The following MYO3A variants were observed in gnomAD, a reference collection of about 807,000 sequenced individuals.
The protein encoded by MYO3A is myosin IIIA.
A neutral mutation model predicts 192.7 loss-of-function variants in MYO3A; 180 were observed. The observed-to-expected ratio is 0.93, with a 90% CI of 0.83 to 1.06. The LOEUF (loss-of-function observed/expected upper bound fraction) is 1.06. Among genes scored for constraint, MYO3A ranks in the 50% least tolerant of loss-of-function variants. The probability of loss-of-function intolerance (pLI) is 0.00; values close to 1 mark genes in which losing one functional copy is unlikely to be tolerated. For synonymous variants in MYO3A, 628 were observed against 645.3 expected (o/e 0.97, Z 0.41); for missense variants, 1,896 against 1,905.0 (o/e 1.00, Z 0.09).
chr10:26,127,464 T>TA (rs1470438453), intron 19 of MYO3A, among the ~76,000 whole-genome samples: 5 of 152,218 alleles, frequency 3.3e-5, no homozygotes, highest in Non-Finnish European at 7.3e-5. Flanking sequence ...CTTTCAGAAA[T>TA]ACTCAAATAG....
intron 2 of MYO3A, among the ~76,000 whole-genome samples, chr10:25,936,116 T>G (rs1196579442): frequency 6.6e-6 from 1 of 152,166 alleles, no homozygotes; most frequent in Non-Finnish European, 1.5e-5. Context: ...GATTCAATTT[T>G]GTAATCTTTA....
chr10:26,088,752 T>C (rs927010543), intron 15 of MYO3A, among the ~76,000 whole-genome samples: 2 of 152,198 alleles, frequency 1.3e-5, no homozygotes, highest in Non-Finnish European at 2.9e-5. Context: ...ACTGAGTCCT[T>C]TTCTGTTTTA....
chr10:26,099,518 G>A (rs901099684), intron 17 of MYO3A, among the ~76,000 whole-genome samples: 12 of 152,144 alleles, frequency 7.9e-5, no homozygotes, highest in Non-Finnish European at 1.5e-4. Context: ...TCCAGTTTCT[G>A]CCAATTCAGT....
chr10:26,036,542 T>C (rs1843050473), intron 10 of MYO3A, among the ~76,000 whole-genome samples: 1 of 152,236 alleles, frequency 6.6e-6, no homozygotes, highest in African/African-American at 2.4e-5. Flanking sequence ...CTCTAGTAAT[T>C]AATACTGTAA....
At chr10:25,964,973 G>A (rs578101986) in intron 4 of MYO3A, among the ~76,000 whole-genome samples, 2 of 152,290 alleles carry the variant, frequency 1.3e-5, no homozygotes, top group South Asian at 4.2e-4. Context: ...GCTGCCAGAA[G>A]TATTGAACCT....
chr10:25,983,255 A>AT (rs1564427403), intron 4 of MYO3A, among the ~76,000 whole-genome samples: 2 of 147,954 alleles, frequency 1.4e-5, no homozygotes, highest in East Asian at 2.0e-4. Flanking sequence ...AAGAAAAATG[A>AT]TTTTTGTTTT....
At chr10:25,988,494 G>A (rs1043943588) in intron 4 of MYO3A, among the ~76,000 whole-genome samples, 35 of 152,264 alleles carry the variant, frequency 2.3e-4, no homozygotes, top group African/African-American at 8.2e-4. Context: ...GCTGCAGATG[G>A]TATAGCCATA....
At chr10:26,100,062 G>A (rs1365567446) in intron 17 of MYO3A, among the ~76,000 whole-genome samples, 1 of 152,142 alleles carries the variant, frequency 6.6e-6, no homozygotes, top group African/African-American at 2.4e-5. Flanking sequence ...TGATTCGTAG[G>A]CTATTAATTA....
At chr10:26,168,686 C>G (rs1484581399) in intron 27 of MYO3A, 26 bp from the exon 28 acceptor site, 3 of 1,603,162 alleles carry the variant, frequency 1.9e-6, no homozygotes, top group Non-Finnish European at 2.6e-6. Flanking sequence ...TGCCATGGTT[C>G]TTTGTATTAT....
intron 20 of MYO3A, among the ~76,000 whole-genome samples, chr10:26,139,049 T>C (rs969424681): frequency 1.3e-5 from 2 of 152,154 alleles, no homozygotes; most frequent in South Asian, 2.1e-4. Context: ...CCAAAACACG[T>C]CATGTTTCTT....
At chr10:25,955,494 T>G (rs1837482813) in intron 4 of MYO3A, among the ~76,000 whole-genome samples, 1 of 152,160 alleles carries the variant, frequency 6.6e-6, no homozygotes, top group African/African-American at 2.4e-5. Context: ...GGAAGAAAAC[T>G]TACTTAAAAT....
intron 20 of MYO3A, among the ~76,000 whole-genome samples, chr10:26,140,084 C>T (rs1329324165): frequency 6.6e-6 from 1 of 152,146 alleles, no homozygotes; most frequent in Admixed American, 6.5e-5. Context: ...GAAGGAAGGT[C>T]TCTCTGAGGA....
At chr10:26,156,097 T>TA (rs1841093370) in intron 25 of MYO3A, among the ~76,000 whole-genome samples, 1 of 152,202 alleles carries the variant, frequency 6.6e-6, no homozygotes. Context: ...ATCACCCCTG[T>TA]ACCACCAGTA....
chr10:26,094,636 G>A (rs1357154541), intron 15 of MYO3A, among the ~76,000 whole-genome samples: 2 of 152,030 alleles, frequency 1.3e-5, no homozygotes, highest in Admixed American at 1.3e-4. Context: ...GTGTTAGCCA[G>A]GATGGTCTCG....
intron 17 of MYO3A, among the ~76,000 whole-genome samples, chr10:26,101,490 G>A (rs913204288): frequency 9.2e-5 from 14 of 152,144 alleles, no homozygotes; most frequent in East Asian, 3.9e-4. Context: ...TCTTCCTAGC[G>A]TCGATGGTCT....
chr10:26,075,601 GTCTC>G (rs1431759586), intron 14 of MYO3A, among the ~76,000 whole-genome samples: 50 of 127,386 alleles, frequency 3.9e-4, no homozygotes, highest in Admixed American at 4.7e-4. Context: ...ATATATATAT[GTCTC>G]TCTCATATAT....
At chr10:25,957,925 T>G (rs913936040) in intron 4 of MYO3A, among the ~76,000 whole-genome samples, 3 of 152,216 alleles carry the variant, frequency 2.0e-5, no homozygotes, top group Admixed American at 6.6e-5. Flanking sequence ...TTTGCCCACT[T>G]TTAATGAGGT....
chr10:26,044,797 G>A (rs1451617061), intron 10 of MYO3A, among the ~76,000 whole-genome samples: 1 of 146,160 alleles, frequency 6.8e-6, no homozygotes, highest in Non-Finnish European at 1.5e-5. Flanking sequence ...TGAAAGAACT[G>A]AAAGCTGTTT....
chr10:26,159,047 G>A lies in MYO3A; in HGVS notation c.2999+1532G>A, dbSNP rs550537723. Among the ~76,000 whole-genome samples, 21 of 142,270 alleles carry A rather than the reference G, an allele frequency of 1.5e-4. No homozygotes were observed. In the East Asian group the frequency reaches 4.4e-3, roughly 29 times the overall value. The allele number at this position is 142,270 out of a possible 152,430, so 93.3% of individuals were successfully genotyped here. On this transcript the variant is annotated intron_variant, in intron 26 of 34. Coordinates refer to ENST00000642920, the MANE Select transcript of MYO3A (RefSeq NM_017433.5). ...TTTTGAGACGGAGTCTTGCACTGTT[G>A]CCCAGGCTGGAGTGCAGTGGCCGGA...
Sources: allele counts gnomAD v4.1 joint callset (sites outside exome capture counted in the v4.1 genomes callset), GRCh38; gene constraint gnomAD v4.1.1; transcripts MANE v1.5; gene names NCBI Gene and HGNC (gene_info 2026-07-23, HGNC 2026-07-21).